Variants in EHBP1 observed in about 807,000 individuals in gnomAD.
The protein encoded by EHBP1 is EH domain binding protein 1.
Under a neutral mutation model 144.0 loss-of-function variants are expected in EHBP1, and 55 were observed. That is an observed-to-expected ratio of 0.38 (90% CI 0.31 to 0.48). The LOEUF (loss-of-function observed/expected upper bound fraction) is 0.48, where lower values mean the gene tolerates loss of function less well. EHBP1 is among the 20% of genes least tolerant of loss of function. The pLI is 0.98. For synonymous variants in EHBP1, 469 were observed against 472.7 expected (o/e 0.99, Z 0.10); for missense variants, 1,200 against 1,364.2 (o/e 0.88, Z 1.90).
At chr2:63,014,659 A>C (rs1274289399) in intron 19 of EHBP1, among the ~76,000 whole-genome samples, 2 of 152,214 alleles carry the variant, frequency 1.3e-5, no homozygotes, top group Admixed American at 1.3e-4. Flanking sequence ...GAAAAAACCA[A>C]AACTGGGTAC....
intron 5 of EHBP1, among the ~76,000 whole-genome samples, chr2:62,773,347 A>G (rs2041810521): frequency 6.6e-6 from 1 of 152,062 alleles, no homozygotes; most frequent in Non-Finnish European, 1.5e-5. Context: ...GCTCTGGAAA[A>G]TCTAGGCCAG....
chr2:62,996,361 A>AT (rs570532267), intron 18 of EHBP1, among the ~76,000 whole-genome samples: 4 of 150,200 alleles, frequency 2.7e-5, no homozygotes, highest in Admixed American at 6.7e-5. Flanking sequence ...TCTAAGGAGA[A>AT]TTTTTTTTTT....
At chr2:62,941,826 G>C (rs1477711852) in intron 10 of EHBP1, among the ~76,000 whole-genome samples, 1 of 152,086 alleles carries the variant, frequency 6.6e-6, no homozygotes, top group African/African-American at 2.4e-5. Flanking sequence ...ACATTTAGCA[G>C]TTTTCTTTGT....
Position 62,843,149 on chromosome 2 carries a change from A to G in EHBP1, c.634+11991A>G, listed in dbSNP as rs559264375. On this transcript the variant is annotated intron_variant, in intron 7 of 22. Coordinates refer to ENST00000431489, the MANE Select transcript of EHBP1 (RefSeq NM_001142616.3). ...TTATTTACATTTTTTATATTTTATG[A>G]AATTCCCTGAAAATAGAAACTATGT... 5.3e-5 allele frequency among the ~76,000 whole-genome samples: 8 copies of G among 152,300 alleles called. No individual in the cohort carries two copies. In the East Asian group the frequency reaches 1.5e-3, roughly 29 times the overall value.
intron 19 of EHBP1, among the ~76,000 whole-genome samples, chr2:63,016,461 G>A (rs1338501724): frequency 2.0e-5 from 3 of 151,690 alleles, no homozygotes; most frequent in East Asian, 1.9e-4. Flanking sequence ...ATGGAGTCTC[G>A]TTCTTGTCGC....
At chr2:62,891,703 G>T (rs1019126472) in intron 10 of EHBP1, among the ~76,000 whole-genome samples, 4 of 151,980 alleles carry the variant, frequency 2.6e-5, no homozygotes, top group African/African-American at 9.7e-5. Flanking sequence ...CTCCATTAGC[G>T]CTATTATCAT....
At chr2:62,882,586 A>G (rs1438885379) in intron 10 of EHBP1, among the ~76,000 whole-genome samples, 1 of 152,176 alleles carries the variant, frequency 6.6e-6, no homozygotes. Context: ...ATTTCTCTGT[A>G]GAGGAAAGGA....
intron 19 of EHBP1, among the ~76,000 whole-genome samples, chr2:63,004,217 T>C (rs575476773): frequency 3.9e-5 from 6 of 152,190 alleles, no homozygotes; most frequent in African/African-American, 1.2e-4. Flanking sequence ...GGTGGATACA[T>C]GGATTTTCTT....
chr2:62,990,795 T>A lies in EHBP1; in HGVS notation c.2688T>A (p.Ser896Arg). 3.7e-6 allele frequency: 6 copies of A among 1,613,890 alleles called. No homozygotes were observed. Among genetic ancestry groups the A allele is most frequent in the Non-Finnish European group, 5.1e-6 (6 of 1,179,844 alleles). ...VQPQVANSPS[S>R]AAQKAVTESS... is the part of the protein sequence containing the mutation. Reference sequence around the variant, plus strand: ...CACAGGTGGCAAATTCACCCTCCAGTGCTGCCCAGAAAGCTGTAACTGAGA... The same window carrying A: ...CACAGGTGGCAAATTCACCCTCCAGAGCTGCCCAGAAAGCTGTAACTGAGA... The change falls in exon 16 of 23, where the codon AGT becomes AGA. Residue 896 changes from serine to arginine, a missense_variant. Physicochemically the swap from Ser to Arg is moderately radical, Grantham distance 110. This residue lies in a region of EHBP1 where 543 missense variants were observed against 513.1 expected (regional missense o/e 1.06). Transcript: ENST00000431489.
At chr2:62,829,473 C>A (rs1030507810) in intron 6 of EHBP1, among the ~76,000 whole-genome samples, 7 of 151,738 alleles carry the variant, frequency 4.6e-5, no homozygotes, top group Non-Finnish European at 5.9e-5. Context: ...GTTTTTCATT[C>A]CTGAGTTACT....
chr2:63,021,694 G>A (rs776475908), intron 19 of EHBP1, among the ~76,000 whole-genome samples: 3 of 152,092 alleles, frequency 2.0e-5, no homozygotes, highest in East Asian at 1.9e-4. Context: ...CCTGAGTCCC[G>A]AACCAAAATC....
chr2:62,792,561 A>G (rs753074207), intron 5 of EHBP1, among the ~76,000 whole-genome samples: 3 of 152,074 alleles, frequency 2.0e-5, no homozygotes, highest in Non-Finnish European at 4.4e-5. Context: ...TCACTTATTT[A>G]TATACTATAT....
intron 10 of EHBP1, among the ~76,000 whole-genome samples, chr2:62,937,788 T>C (rs926798325): frequency 1.3e-5 from 2 of 152,182 alleles, no homozygotes; most frequent in Non-Finnish European, 2.9e-5. Context: ...TGGTGAGTAA[T>C]ACTAGAGAGT....
chr2:62,963,873 A>G (rs935685496), intron 14 of EHBP1, among the ~76,000 whole-genome samples: 2 of 152,156 alleles, frequency 1.3e-5, no homozygotes, highest in Admixed American at 6.6e-5. Flanking sequence ...TTTTACTTCA[A>G]CACAATCACC....
At chr2:62,941,042 ACC>A (rs2056728183) in intron 10 of EHBP1, among the ~76,000 whole-genome samples, 2 of 152,154 alleles carry the variant, frequency 1.3e-5, no homozygotes, top group South Asian at 4.1e-4. Context: ...TGTATGTATT[ACC>A]CATGCTTGGA....
At chr2:62,714,645 C>G (rs1412620471) in intron 2 of EHBP1, among the ~76,000 whole-genome samples, 6 of 151,930 alleles carry the variant, frequency 3.9e-5, no homozygotes, top group Admixed American at 1.3e-4. Flanking sequence ...GAGTAAGCAC[C>G]CAGAAAATTT....
chr2:63,002,171 C>T (rs2059875550), intron 19 of EHBP1, among the ~76,000 whole-genome samples: 1 of 152,130 alleles, frequency 6.6e-6, no homozygotes, highest in African/African-American at 2.4e-5. Flanking sequence ...CAAATTTGAA[C>T]ATTATAACCT....
At chr2:62,822,225 A>G (rs2046037178) in intron 5 of EHBP1, among the ~76,000 whole-genome samples, 2 of 152,188 alleles carry the variant, frequency 1.3e-5, no homozygotes, top group African/African-American at 4.8e-5. Flanking sequence ...ATGTACAGAG[A>G]AAACATTTAT....
rs1361102151 is a variant in EHBP1 at position 62,674,730 on chromosome 2, ATTG to A, written c.-296+650_-296+652del. On this transcript the variant is annotated intron_variant, in intron 1 of 22. Coordinates refer to the EHBP1 transcript ENST00000405015. ...AAGTGTGTTTGTGCAGCAACAGTTT[ATTG>A]TTATCAGAGAATTTTTTGAGAAAAA... Among the ~76,000 whole-genome samples, 3 of 152,218 alleles carry A rather than the reference ATTG, an allele frequency of 2.0e-5. No individual in the cohort carries two copies. The East Asian group carries it at 5.8e-4, about 29-fold the overall frequency.
Sources: gnomAD v4.1 joint callset for allele counts (sites outside exome capture counted in the v4.1 genomes callset) on GRCh38, gnomAD v4.1.1 for gene constraint, gnomAD v4.1.1 regional missense constraint, MANE v1.5 for transcripts, NCBI Gene and HGNC (gene_info 2026-07-23, HGNC 2026-07-21) for gene names.